The following DGKB variants were observed in gnomAD, a reference collection of about 807,000 sequenced individuals.
DGKB encodes the protein 90 kDa diacylglycerol kinase.
DGKB carries 67 observed loss-of-function variants against 114.3 expected under a neutral mutation model. That is an observed-to-expected ratio of 0.59 (90% confidence interval 0.48 to 0.72). The LOEUF (loss-of-function observed/expected upper bound fraction) is 0.72. Ranked by LOEUF, DGKB falls within the 30% of genes least tolerant of loss-of-function variation. The pLI is 0.00. For missense variants in DGKB, 907 were observed against 975.2 expected (o/e 0.93, Z 0.93); for synonymous variants, 398 against 323.1 (o/e 1.23, Z -2.49).
chr7:14,772,121 C>T (rs547501279), intron 2 of DGKB, among the ~76,000 whole-genome samples: 1 of 152,236 alleles, frequency 6.6e-6, no homozygotes, highest in African/African-American at 2.4e-5. Context: ...TGATTGATGT[C>T]TCATGCCTCC....
chr7:14,937,063 C>T (rs976106635), intron 1 of DGKB, among the ~76,000 whole-genome samples: 20 of 148,594 alleles, frequency 1.3e-4, no homozygotes, highest in Non-Finnish European at 2.5e-4. Flanking sequence ...CACACACACA[C>T]ACACACACAC....
intron 23 of DGKB, among the ~76,000 whole-genome samples, chr7:14,259,399 C>CTATA: frequency 9.9e-6 from 1 of 100,900 alleles, no homozygotes; most frequent in South Asian, 3.0e-4. Context: ...CTCTCTCTCT[C>CTATA]TCTCTCTCTA....
intron 20 of DGKB, among the ~76,000 whole-genome samples, chr7:14,560,974 G>C (rs1796574768): frequency 6.6e-6 from 1 of 152,024 alleles, no homozygotes; most frequent in Admixed American, 6.6e-5. Flanking sequence ...ATATATACTG[G>C]TTCATTATTT....
intron 23 of DGKB, among the ~76,000 whole-genome samples, chr7:14,231,126 TC>T (rs879486369): frequency 0.02 from 1,948 of 97,866 alleles, 31 homozygotes; most frequent in Non-Finnish European, 0.029. Flanking sequence ...TTTCTTTCTT[TC>T]TTTCTTTCTT....
intron 23 of DGKB, among the ~76,000 whole-genome samples, chr7:14,216,585 G>C (rs1350484297): frequency 6.6e-6 from 1 of 151,916 alleles, no homozygotes; most frequent in African/African-American, 2.4e-5. Context: ...AATTAGCCAG[G>C]CATAGTGGTG....
At chr7:14,297,855 A>T (rs561099860) in intron 23 of DGKB, among the ~76,000 whole-genome samples, 1 of 152,310 alleles carries the variant, frequency 6.6e-6, no homozygotes, top group African/African-American at 2.4e-5. Context: ...ACTTCAGCAA[A>T]GTCTCAGGAT....
At chr7:14,492,594 AT>A (rs1043305896) in intron 20 of DGKB, among the ~76,000 whole-genome samples, 1 of 152,036 alleles carries the variant, frequency 6.6e-6, no homozygotes, top group Non-Finnish European at 1.5e-5. Context: ...ATTAGATGTA[AT>A]ACTTTAATCT....
chr7:14,528,835 C>A (rs954201423), intron 20 of DGKB, among the ~76,000 whole-genome samples: 1 of 151,880 alleles, frequency 6.6e-6, no homozygotes, highest in Non-Finnish European at 1.5e-5. Flanking sequence ...TGCCACTGTG[C>A]CTTTTAATAG....
chr7:14,310,490 A>G (rs1426293850), intron 23 of DGKB, among the ~76,000 whole-genome samples: 1 of 152,210 alleles, frequency 6.6e-6, no homozygotes, highest in Non-Finnish European at 1.5e-5. Flanking sequence ...GAGTTCCTAT[A>G]GGCAAGACAG....
chr7:14,868,035 T>G (rs1468202159), intron 1 of DGKB, among the ~76,000 whole-genome samples: 1 of 152,182 alleles, frequency 6.6e-6, no homozygotes, highest in African/African-American at 2.4e-5. Context: ...CAGACCGGCG[T>G]GGATTGAATC....
chr7:14,231,011 C>T (rs887462582), intron 23 of DGKB, among the ~76,000 whole-genome samples: 3 of 151,998 alleles, frequency 2.0e-5, no homozygotes, highest in Non-Finnish European at 4.4e-5. Flanking sequence ...AGGGCTAAGT[C>T]CCTAAGTCTC....
intron 21 of DGKB, among the ~76,000 whole-genome samples, chr7:14,450,609 T>A (rs933355319): frequency 2.6e-5 from 4 of 151,916 alleles, no homozygotes; most frequent in African/African-American, 4.8e-5. Flanking sequence ...AGAAAAAAAA[T>A]TCCTAAGTAA....
At chr7:14,876,439 C>T (rs1472718352) in intron 1 of DGKB, among the ~76,000 whole-genome samples, 1 of 152,202 alleles carries the variant, frequency 6.6e-6, no homozygotes, top group African/African-American at 2.4e-5. Context: ...CTCTGGCTTG[C>T]CTTTGAATTC....
chr7:14,919,861 C>G (rs1587382173), intron 1 of DGKB, among the ~76,000 whole-genome samples: 1 of 152,110 alleles, frequency 6.6e-6, no homozygotes, highest in Non-Finnish European at 1.5e-5. Context: ...TTGCTCCTTT[C>G]CTCTCCATGT....
rs545660193 is a variant in DGKB, at chr7:14,764,807, C to A, written c.71-7076G>T. On this transcript the variant is annotated intron_variant, in intron 2 of 25. Coordinates refer to ENST00000402815, the MANE Select transcript of DGKB (RefSeq NM_001350709.2). ...CATTTTATTTAAAGATTTATTTACT[C>A]TCACCTTAGGTCACAATAGCAAAAA... 5.9e-5 allele frequency among the ~76,000 whole-genome samples: 9 copies of A among 151,568 alleles called. No individual in the cohort carries two copies. In the South Asian group the frequency reaches 1.9e-3, roughly 31 times the overall value.
chr7:14,726,466 G>A (rs529262593), intron 5 of DGKB, among the ~76,000 whole-genome samples: 7 of 152,104 alleles, frequency 4.6e-5, no homozygotes, highest in Non-Finnish European at 1.0e-4. Flanking sequence ...GCATGATTCT[G>A]TGAGGCTGGA....
intron 9 of DGKB, 62 bp from the exon 10 acceptor site, chr7:14,685,424 G>A: frequency 8.0e-7 from 1 of 1,247,854 alleles, no homozygotes; most frequent in Non-Finnish European, 1.2e-6. Flanking sequence ...AGATGTAAGT[G>A]CCAATGAAAT....
At chr7:14,392,989 G>GTTTTGTTTTTTTTTTTTTTTTTTTTTTT in intron 21 of DGKB, among the ~76,000 whole-genome samples, 1 of 10,188 alleles carries the variant, frequency 9.8e-5, no homozygotes, top group African/African-American at 2.3e-4. Context: ...CCTGTTTTTT[G>GTTTTGTTTTTTTTTTTTTTTTTTTTTTT]TTTTTGTTTT....
At chr7:14,393,285 G>C (rs529792571) in intron 21 of DGKB, among the ~76,000 whole-genome samples, 1 of 151,872 alleles carries the variant, frequency 6.6e-6, no homozygotes, top group African/African-American at 2.4e-5. Context: ...CACCGCGCCC[G>C]GTCAACAGAC....
Sources: allele counts gnomAD v4.1 joint callset (sites outside exome capture counted in the v4.1 genomes callset), GRCh38; gene constraint gnomAD v4.1.1; transcripts MANE v1.5; gene names NCBI Gene and HGNC (gene_info 2026-07-23, HGNC 2026-07-21).